SORCS2: variants seen among roughly 807,000 people sequenced by gnomAD.
SORCS2 encodes VPS10 domain-containing receptor SorCS2.
SORCS2 carries 100 observed loss-of-function variants against 141.6 expected under a neutral mutation model. The ratio of observed to expected loss-of-function variants is 0.71; its 90% CI spans 0.60 to 0.83. The LOEUF (loss-of-function observed/expected upper bound fraction) is 0.83, where lower values mean the gene tolerates loss of function less well. SORCS2 is among the 40% of genes least tolerant of loss of function. SORCS2 has a pLI of 0.00. For missense variants in SORCS2, 1,646 were observed against 1,560.2 expected (o/e 1.05, Z -0.93); for synonymous variants, 789 against 676.9 (o/e 1.17, Z -2.57).
intron 1 of SORCS2, among the ~76,000 whole-genome samples, chr4:7,322,870 G>C (rs543138524): frequency 6.6e-6 from 1 of 152,136 alleles, no homozygotes; most frequent in Non-Finnish European, 1.5e-5. Context: ...GACCAGCTGC[G>C]GCTCCTCAGC....
intron 2 of SORCS2, among the ~76,000 whole-genome samples, chr4:7,453,271 T>C (rs1577588756): frequency 8.3e-6 from 1 of 120,292 alleles, no homozygotes; most frequent in African/African-American, 3.3e-5. Context: ...GGTCAGGCAC[T>C]GTGTTGGGGT....
intron 3 of SORCS2, 34 bp downstream of exon 3, chr4:7,531,663 C>A (rs369920881): frequency 2.3e-5 from 36 of 1,590,524 alleles, no homozygotes; most frequent in Non-Finnish European, 3.1e-5. Flanking sequence ...GCCACTCTGG[C>A]TCTCGCCTTG....
intron 3 of SORCS2, among the ~76,000 whole-genome samples, chr4:7,570,190 G>A (rs1402051479): frequency 6.6e-6 from 1 of 152,312 alleles, no homozygotes; most frequent in East Asian, 1.9e-4. Context: ...AGGGTAGTGA[G>A]TGATGGATTA....
At chr4:7,226,696 C>T (rs1490606420) in intron 1 of SORCS2, among the ~76,000 whole-genome samples, 1 of 152,168 alleles carries the variant, frequency 6.6e-6, no homozygotes. Flanking sequence ...GGTTAAGATG[C>T]AGTGGCCCTG....
chr4:7,366,128 C>T lies in SORCS2; in HGVS notation c.481-30160C>T, dbSNP rs192084377. ...GTGGGGGGTGGTGGCACAGGCTCCCCGCACATCCCTGCCACCCTCCTCCTC... is the reference window on the plus strand; with the variant it reads ...GTGGGGGGTGGTGGCACAGGCTCCCTGCACATCCCTGCCACCCTCCTCCTC... On this transcript the variant is annotated intron_variant, in intron 1 of 26. Coordinates refer to ENST00000507866, the MANE Select transcript of SORCS2 (RefSeq NM_020777.3). 2.2e-3 allele frequency among the ~76,000 whole-genome samples: 341 copies of T among 152,274 alleles called. 1 individual carries two copies. Among genetic ancestry groups the T allele is most frequent in the African/African-American group, 7.7e-3 (322 of 41,568 alleles).
intron 1 of SORCS2, among the ~76,000 whole-genome samples, chr4:7,393,696 T>G (rs1408489602): frequency 6.6e-6 from 1 of 152,088 alleles, no homozygotes; most frequent in African/African-American, 2.4e-5. Context: ...TTGCTGTAAC[T>G]GTGGGGCTCG....
intron 1 of SORCS2, among the ~76,000 whole-genome samples, chr4:7,374,196 T>TTTCTTTCC (rs1364054440): frequency 3.4e-5 from 5 of 145,102 alleles, no homozygotes; most frequent in African/African-American, 1.3e-4. Context: ...TCTTTCTTTC[T>TTTCTTTCC]TTTTTGCAGA....
intron 2 of SORCS2, among the ~76,000 whole-genome samples, chr4:7,502,230 C>T (rs760886056): frequency 1.3e-5 from 2 of 152,158 alleles, no homozygotes; most frequent in African/African-American, 4.8e-5. Flanking sequence ...GAATGTGCCC[C>T]GTGAGAGCCG....
chr4:7,484,634 T>TCTAA (rs1730861568), intron 2 of SORCS2, among the ~76,000 whole-genome samples: 1 of 152,192 alleles, frequency 6.6e-6, no homozygotes, highest in South Asian at 2.1e-4. Context: ...TCCTCTCCTT[T>TCTAA]CTAACCTCCT....
intron 3 of SORCS2, among the ~76,000 whole-genome samples, chr4:7,551,560 G>A (rs1171636314): frequency 6.6e-6 from 1 of 152,152 alleles, no homozygotes; most frequent in Non-Finnish European, 1.5e-5. Context: ...TGAGGCCACT[G>A]CCCCAGGAGA....
intron 2 of SORCS2, among the ~76,000 whole-genome samples, chr4:7,447,495 G>A (rs565463168): frequency 5.9e-5 from 9 of 152,210 alleles, no homozygotes; most frequent in Non-Finnish European, 1.2e-4. Flanking sequence ...TTACACTTCC[G>A]ATGAAGCCAG....
chr4:7,300,023 G>C (rs1035256020), intron 1 of SORCS2, among the ~76,000 whole-genome samples: 1 of 152,226 alleles, frequency 6.6e-6, no homozygotes, highest in African/African-American at 2.4e-5. Flanking sequence ...TTGTCTTTGG[G>C]GGTTGATAAG....
intron 6 of SORCS2, among the ~76,000 whole-genome samples, chr4:7,662,285 G>A (rs956649007): frequency 5.6e-4 from 70 of 125,524 alleles, no homozygotes; most frequent in East Asian, 3.2e-3. Flanking sequence ...TGCTATTACC[G>A]TTCTGTGTTG....
At chr4:7,615,177 C>T (rs957787193) in intron 3 of SORCS2, among the ~76,000 whole-genome samples, 11 of 152,256 alleles carry the variant, frequency 7.2e-5, no homozygotes, top group Non-Finnish European at 1.5e-4. Context: ...ATTCATCCAT[C>T]TGCCTTCCTT....
At chr4:7,238,066 C>G (rs1712410689) in intron 1 of SORCS2, among the ~76,000 whole-genome samples, 1 of 151,994 alleles carries the variant, frequency 6.6e-6, no homozygotes, top group African/African-American at 2.4e-5. Flanking sequence ...AATGTTCTTT[C>G]CGATGCGCTG....
At chr4:7,283,689 A>G (rs1716028382) in intron 1 of SORCS2, among the ~76,000 whole-genome samples, 1 of 152,154 alleles carries the variant, frequency 6.6e-6, no homozygotes, top group African/African-American at 2.4e-5. Context: ...TCAGAAAAGC[A>G]CTGTGCGGTG....
intron 1 of SORCS2, among the ~76,000 whole-genome samples, chr4:7,355,741 G>A (rs576671609): frequency 1.3e-5 from 2 of 152,356 alleles, no homozygotes; most frequent in South Asian, 2.1e-4. Context: ...TGACTTCAGC[G>A]GCGCTGGGAA....
At chr4:7,619,835 G>A (rs556906294) in intron 3 of SORCS2, among the ~76,000 whole-genome samples, 8 of 152,240 alleles carry the variant, frequency 5.3e-5, no homozygotes, top group South Asian at 4.2e-4. Flanking sequence ...GCATGTACAC[G>A]TCTGTGCACG....
intron 2 of SORCS2, among the ~76,000 whole-genome samples, chr4:7,453,587 A>T (rs1405036789): frequency 6.9e-5 from 6 of 87,534 alleles, no homozygotes; most frequent in South Asian, 4.4e-4. Context: ...GGGGTCAGGC[A>T]CTGTGTTGGG....
Sources: gnomAD v4.1 joint callset for allele counts (sites outside exome capture counted in the v4.1 genomes callset) on GRCh38, gnomAD v4.1.1 for gene constraint, MANE v1.5 for transcripts, NCBI Gene and HGNC (gene_info 2026-07-23, HGNC 2026-07-21) for gene names.